Variants in DTX2 observed in about 807,000 individuals in gnomAD.
DTX2 encodes the protein deltex E3 ubiquitin ligase 2, also known as probable E3 ubiquitin-protein ligase DTX2.
Under a neutral mutation model 55.3 loss-of-function variants are expected in DTX2, and 29 were observed. That is an observed-to-expected ratio of 0.52 (90% confidence interval 0.39 to 0.71). The LOEUF is 0.71. DTX2 is among the 30% of genes least tolerant of loss of function. The probability of loss-of-function intolerance (pLI) is 0.00; values close to 1 mark genes in which losing one functional copy is unlikely to be tolerated. For missense variants in DTX2, 537 were observed against 822.5 expected, an observed-to-expected ratio of 0.65 and a Z score of 4.25; for synonymous variants, 276 against 340.4, an observed-to-expected ratio of 0.81 and a Z score of 2.08.
In DTX2 at chr7:76,502,370, G is replaced by A. The variant is rs550083900; in HGVS notation, c.1303G>A (p.Gly435Arg). The A allele has an allele frequency of 6.8e-6, 11 of 1,612,460 alleles. No homozygotes were observed. The highest frequency in any genetic ancestry group is 3.3e-5 in the Admixed American group (2 of 59,962). ...YSDVTDSKAI[G>R]SLAVGHLTKC... is the part of the protein sequence containing the mutation. ...CGATGTGACTGACAGCAAGGCAATC[G>A]GGTCCCTAGCTGTGGGCCACCTCAC... The change falls in exon 8 of 11, where the codon GGG becomes AGG. Residue 435 changes from glycine (G) to arginine (R), a missense_variant. Gly to Arg is a moderately radical substitution (Grantham distance 125, BLOSUM62 -2). Transcript: ENST00000430490.
rs754853252 is a variant in DTX2, at chr7:76,482,562, G to A, written c.323G>A (p.Arg108Gln). ...TTCCCCCAGCACTCAGCCCCTGGCC[G>A]AGGTGTCGTCTGGGAGTGGCTGAGC... ...HLFPQHSAPG[R>Q]GVVWEWLSDD... The change falls in exon 4 of 11, where the codon CGA becomes CAA. Residue 108 changes from arginine (R) to glutamine (Q), a missense_variant. By Grantham distance (43) the Arg-to-Gln change is conservative. This residue lies in a region of DTX2 where 301 missense variants were observed against 396.6 expected (regional missense o/e 0.76). Coordinates refer to ENST00000430490, the MANE Select transcript of DTX2 (RefSeq NM_001102594.3). 31 of 1,612,506 alleles carry A rather than the reference G, an allele frequency of 1.9e-5. No homozygotes were observed. The highest frequency in any genetic ancestry group is 2.2e-5 in the South Asian group (2 of 91,052).
At chr7:76,477,147 T>C (rs1584158160) in intron 2 of DTX2, 2 of 104,122 alleles carry the variant, frequency 1.9e-5, no homozygotes, top group African/African-American at 7.5e-5. Context: ...GCTGAACCAT[T>C]CCGCCCGCCC....
Position 76,482,514 on chromosome 7 carries a change from T to C in DTX2, c.275T>C (p.Met92Thr), listed in dbSNP as rs150857694. The C allele has an allele frequency of 8.3e-3, 13,210 of 1,592,258 alleles. 92 individuals carry two copies. The highest frequency in any genetic ancestry group is 0.026 in the Middle Eastern group (156 of 5,942). The change falls in exon 4 of 11, where the codon ATG becomes ACG. Residue 92 changes from methionine (M) to threonine (T), a missense_variant. By Grantham distance (81) the Met-to-Thr change is moderately conservative. Transcript: ENST00000430490. The part of the protein sequence containing the change: ...WTQFRQDTGT[M>T]RAVRRHLFPQ... Reference sequence around the variant, plus strand: ...TGTTTTCCTTTGAAAATAGGCACCATGCGGGCTGTGCGGAGACACCTGTTC... The same window carrying C: ...TGTTTTCCTTTGAAAATAGGCACCACGCGGGCTGTGCGGAGACACCTGTTC...
At chr7:76,496,689 G>A (rs1810942174) in intron 5 of DTX2, among the ~76,000 whole-genome samples, 1 of 66,052 alleles carries the variant, frequency 1.5e-5, no homozygotes, top group Non-Finnish European at 2.8e-5. Flanking sequence ...TGGAAAGAGT[G>A]GCCGGTCTGT....
At chr7:76,464,784 C>T (rs1806987159) in intron 2 of DTX2, among the ~76,000 whole-genome samples, 1 of 149,286 alleles carries the variant, frequency 6.7e-6, no homozygotes, top group African/African-American at 2.6e-5. Context: ...TTCTTACATA[C>T]ATCATGCCAG....
Position 76,480,545 on chromosome 7 carries a change from G to A in DTX2, c.36G>A (p.Val12=). Residue 12 remains valine (V), a synonymous_variant, in exon 3 of 11, where the codon GTG becomes GTA. Coordinates refer to ENST00000430490, the MANE Select transcript of DTX2 (RefSeq NM_001102594.3). ...AMAPSPSLVQ[V]YTSPAAVAVW... is the part of the protein sequence containing the mutation. Reference sequence around the variant, plus strand: ...CCCCAAGCCCTTCCCTGGTGCAGGTGTACACCAGCCCCGCGGCTGTGGCCG... The same window carrying A: ...CCCCAAGCCCTTCCCTGGTGCAGGTATACACCAGCCCCGCGGCTGTGGCCG... 6.2e-7 allele frequency: 1 copy of A among 1,611,784 alleles called. No individual in the cohort carries two copies. Among genetic ancestry groups the A allele is most frequent in the East Asian group, 2.2e-5 (1 of 44,876 alleles).
intron 2 of DTX2, among the ~76,000 whole-genome samples, chr7:76,464,237 G>T (rs1806910812): frequency 7.0e-6 from 1 of 141,988 alleles, no homozygotes; most frequent in African/African-American, 2.7e-5. Flanking sequence ...AGAAAGTGGG[G>T]CACAGTCACC....
At chr7:76,501,303 G>T (rs1330266922) in intron 7 of DTX2, 3 of 456,096 alleles carry the variant, frequency 6.6e-6, no homozygotes, top group Non-Finnish European at 1.3e-5. Context: ...GTAAGTAAAG[G>T]TTTGGAAAGG....
intron 2 of DTX2, among the ~76,000 whole-genome samples, chr7:76,468,118 G>A (rs1419705034): frequency 6.6e-6 from 1 of 152,308 alleles, no homozygotes; most frequent in African/African-American, 2.4e-5. Context: ...ATTCCCGGAT[G>A]CAGAGAATGT....
Position 76,503,445 on chromosome 7 carries a change from C to T in DTX2, c.1409C>T (p.Pro470Leu). The change falls in exon 9 of 11, where the codon CCC (proline) becomes CTC (leucine). Residue 470 changes from proline (P) to leucine (L), a missense_variant. Physicochemically the swap from Pro to Leu is moderately conservative, Grantham distance 98. This residue lies in a region of DTX2 where 121 missense variants were observed against 136.8 expected (regional missense o/e 0.88). Transcript: ENST00000430490. ...TGTCAGGATGGAAGTCTGCAGTGTC[C>T]CTCCTGCAAAACCATCTATGGAGAG... ...NGNKDGSLQC[P>L]SCKTIYGEKT... The T allele has an allele frequency of 6.2e-7, 1 of 1,612,746 alleles. No individual in the cohort carries two copies. The highest frequency in any genetic ancestry group is 1.1e-5 in the South Asian group (1 of 91,060).
At position 76,483,131 on chromosome 7, in the gene DTX2, A is replaced by G. The variant is rs774312459; in HGVS notation, c.892A>G (p.Thr298Ala). 6.2e-7 allele frequency: 1 copy of G among 1,610,694 alleles called. No homozygotes were observed. Among genetic ancestry groups the G allele is most frequent in the Non-Finnish European group, 8.5e-7 (1 of 1,179,208 alleles). ...GCAGCACCTGCCCCCAGGATCCTCC[A>G]CCTCCGGTGCAGTCAGGTATCGTGG... ...GPQHLPPGSS[T>A]SGAVSASLPS... Residue 298 changes from threonine (T) to alanine (A), a missense_variant, in exon 4 of 11, where the codon ACC (threonine) becomes GCC (alanine). Thr to Ala is a moderately conservative substitution (Grantham distance 58). This residue lies in a region of DTX2 where 18 missense variants were observed against 65.0 expected (regional missense o/e 0.28). Transcript: ENST00000430490.
intron 7 of DTX2, chr7:76,501,852 C>T (rs4728774): frequency 0.31 from 51,067 of 164,916 alleles, 4,631 homozygotes; most frequent in East Asian, 0.4. Flanking sequence ...GCACAGGTCC[C>T]GGTGACTCAC....
chr7:76,471,629 A>G (rs1807937014), intron 2 of DTX2, among the ~76,000 whole-genome samples: 1 of 151,030 alleles, frequency 6.6e-6, no homozygotes, highest in South Asian at 2.1e-4. Context: ...CCTGGGCTCA[A>G]AGCAGTCCTT....
At chr7:76,503,140 G>A (rs1180990546) in intron 8 of DTX2, among the ~76,000 whole-genome samples, 1 of 152,248 alleles carries the variant, frequency 6.6e-6, no homozygotes, top group Non-Finnish European at 1.5e-5. Flanking sequence ...CTATCCGACT[G>A]CAAATGCGAT....
chr7:76,464,205 T>G (rs1422828020), intron 2 of DTX2, among the ~76,000 whole-genome samples: 2 of 149,398 alleles, frequency 1.3e-5, no homozygotes, highest in African/African-American at 5.0e-5. Flanking sequence ...TTGAGGGGGG[T>G]TGTGAAGGAG....
At chr7:76,490,038 C>T (rs1297775952) in intron 4 of DTX2, among the ~76,000 whole-genome samples, 1 of 96,778 alleles carries the variant, frequency 1.0e-5, no homozygotes, top group East Asian at 3.0e-4. Context: ...AGAAAATTAC[C>T]ACTGGTTGGC....
At chr7:76,501,858 C>G (rs1479674566) in intron 7 of DTX2, 3 of 169,216 alleles carry the variant, frequency 1.8e-5, no homozygotes, top group Non-Finnish European at 2.5e-5. Flanking sequence ...GTCCCGGTGA[C>G]TCACCTGTGT....
At chr7:76,490,385 T>G (rs367843947) in intron 4 of DTX2, among the ~76,000 whole-genome samples, 1 of 74,906 alleles carries the variant, frequency 1.3e-5, no homozygotes, top group Non-Finnish European at 2.6e-5. Context: ...AAGGTTTTTT[T>G]TTTCTTTCTT....
intron 4 of DTX2, among the ~76,000 whole-genome samples, chr7:76,486,416 AC>A (rs550795048): frequency 5.1e-3 from 530 of 104,758 alleles, no homozygotes; most frequent in African/African-American, 0.02. Flanking sequence ...CCGAGAACCG[AC>A]TTTTTACTGG....
Sources: gnomAD v4.1 joint callset for allele counts (sites outside exome capture counted in the v4.1 genomes callset) on GRCh38, gnomAD v4.1.1 for gene constraint, gnomAD v4.1.1 regional missense constraint, MANE v1.5 for transcripts, NCBI Gene and HGNC (gene_info 2026-07-23, HGNC 2026-07-21) for gene names.